The following KAZN variants were observed in gnomAD, a reference collection of about 807,000 sequenced individuals.
KAZN encodes the protein kazrin.
In KAZN, 40 loss-of-function variants were observed where a neutral mutation model predicts 87.4. The observed-to-expected ratio is 0.46, with a 90% confidence interval of 0.36 to 0.60. KAZN has a LOEUF of 0.60. Among genes scored for constraint, KAZN ranks in the 20% least tolerant of loss-of-function variants. The probability of loss-of-function intolerance (pLI) is 0.00; values close to 1 mark genes in which losing one functional copy is unlikely to be tolerated. For missense variants in KAZN, 898 were observed against 1,073.9 expected (o/e 0.84, Z 2.29); for synonymous variants, 466 against 458.3 (o/e 1.02, Z -0.22).
chr1:15,035,073 C>G (rs1573127175), intron 3 of KAZN, among the ~76,000 whole-genome samples, 188 bp downstream of exon 3: 1 of 152,050 alleles, frequency 6.6e-6, no homozygotes, highest in South Asian at 2.1e-4. Flanking sequence ...ATCTCCATGT[C>G]TCCTGGGCAA....
At chr1:14,814,887 C>T (rs1229058925) in intron 1 of KAZN, among the ~76,000 whole-genome samples, 5 of 152,164 alleles carry the variant, frequency 3.3e-5, no homozygotes, top group African/African-American at 7.2e-5. Context: ...AGCATGGATA[C>T]GTGGAATGCT....
chr1:14,970,956 G>A (rs1403929952), intron 2 of KAZN, among the ~76,000 whole-genome samples: 2 of 152,078 alleles, frequency 1.3e-5, no homozygotes, highest in African/African-American at 4.8e-5. Context: ...TAATCATTTC[G>A]GCTAGCATGT....
At chr1:14,056,086 A>C (rs2101489889) in intron 1 of KAZN, among the ~76,000 whole-genome samples, 1 of 152,298 alleles carries the variant, frequency 6.6e-6, no homozygotes, top group South Asian at 2.1e-4. Context: ...GTTTTCCCAA[A>C]GCCTTTTCAC....
chr1:14,674,709 T>C (rs1640113355), intron 1 of KAZN, among the ~76,000 whole-genome samples: 1 of 152,212 alleles, frequency 6.6e-6, no homozygotes, highest in African/African-American at 2.4e-5. Context: ...TAGACAGAGA[T>C]TCAGTTTAAA....
At chr1:14,935,672 C>T (rs746447152) in intron 1 of KAZN, among the ~76,000 whole-genome samples, 2 of 152,132 alleles carry the variant, frequency 1.3e-5, no homozygotes, top group Non-Finnish European at 2.9e-5. Flanking sequence ...TTTCCTCTCT[C>T]CCTCCCTCTC....
intron 1 of KAZN, among the ~76,000 whole-genome samples, chr1:14,678,890 G>A (rs1195837260): frequency 6.6e-6 from 1 of 152,178 alleles, no homozygotes; most frequent in East Asian, 1.9e-4. Context: ...GACCGAAAAA[G>A]GGCATCAGCC....
At chr1:14,389,469 G>A (rs1271725821) in intron 2 of KAZN, among the ~76,000 whole-genome samples, 2 of 134,536 alleles carry the variant, frequency 1.5e-5, no homozygotes, top group African/African-American at 2.5e-5. Flanking sequence ...ATCAACAGAT[G>A]AATGGATAAA....
chr1:14,954,770 C>T (rs1490105040), intron 1 of KAZN, among the ~76,000 whole-genome samples: 1 of 152,122 alleles, frequency 6.6e-6, no homozygotes, highest in South Asian at 2.1e-4. Flanking sequence ...TCCTGGCTAA[C>T]ACGGTGAAAC....
chr1:14,951,192 T>C (rs1662438886), intron 1 of KAZN, among the ~76,000 whole-genome samples: 1 of 152,126 alleles, frequency 6.6e-6, no homozygotes, highest in Admixed American at 6.5e-5. Flanking sequence ...TGCCACGTGC[T>C]ATGCCCACAC....
chr1:14,552,753 C>G (rs1337972517), intron 2 of KAZN, among the ~76,000 whole-genome samples: 2 of 152,150 alleles, frequency 1.3e-5, no homozygotes, highest in Non-Finnish European at 2.9e-5. Flanking sequence ...AAGAATTTCC[C>G]TTTATAGACT....
intron 2 of KAZN, among the ~76,000 whole-genome samples, chr1:14,362,351 C>G (rs1423180797): frequency 1.3e-5 from 2 of 152,232 alleles, no homozygotes; most frequent in Non-Finnish European, 1.5e-5. Flanking sequence ...TCTTCATAAG[C>G]AACTCACAGT....
At chr1:14,833,351 A>C (rs1377983504) in intron 1 of KAZN, among the ~76,000 whole-genome samples, 4 of 152,110 alleles carry the variant, frequency 2.6e-5, no homozygotes, top group Non-Finnish European at 5.9e-5. Flanking sequence ...TGAGTACTTG[A>C]CCTTTATGCA....
At chr1:14,897,926 T>C (rs1398417629) in intron 1 of KAZN, among the ~76,000 whole-genome samples, 2 of 152,172 alleles carry the variant, frequency 1.3e-5, no homozygotes, top group African/African-American at 4.8e-5. Context: ...CTCTGTGAAC[T>C]CCATGGCAGC....
intron 1 of KAZN, among the ~76,000 whole-genome samples, chr1:13,963,151 G>C (rs980750331): frequency 2.0e-5 from 3 of 152,158 alleles, no homozygotes; most frequent in African/African-American, 7.2e-5. Context: ...TGTCTGTGGT[G>C]ATGGGGAGTG....
chr1:14,016,020 C>T (rs1432890612), intron 1 of KAZN, among the ~76,000 whole-genome samples: 1 of 152,030 alleles, frequency 6.6e-6, no homozygotes, highest in Non-Finnish European at 1.5e-5. Flanking sequence ...GGGCAACAGG[C>T]ACTCAAAACG....
intron 1 of KAZN, among the ~76,000 whole-genome samples, chr1:13,899,240 CT>C (rs1639155965): frequency 1.3e-5 from 2 of 152,216 alleles, no homozygotes; most frequent in Non-Finnish European, 2.9e-5. Context: ...GGTTATTGTG[CT>C]ACATTCTTTA....
At chr1:15,019,285 T>A (rs1330464464) in intron 2 of KAZN, among the ~76,000 whole-genome samples, 3 of 152,142 alleles carry the variant, frequency 2.0e-5, no homozygotes, top group Non-Finnish European at 4.4e-5. Flanking sequence ...TGGATATGAT[T>A]AAGAGCAGGG....
At chr1:14,756,656 A>G (rs1222981202) in intron 1 of KAZN, among the ~76,000 whole-genome samples, 1 of 152,258 alleles carries the variant, frequency 6.6e-6, no homozygotes, top group Non-Finnish European at 1.5e-5. Flanking sequence ...CTCGGACACC[A>G]CTAGGTTCTG....
chr1:14,076,210 G>T (rs895837456), intron 1 of KAZN, among the ~76,000 whole-genome samples: 1 of 152,096 alleles, frequency 6.6e-6, no homozygotes, highest in Non-Finnish European at 1.5e-5. Context: ...GAACCCGGGA[G>T]GTGGAGGTTG....
Sources: allele counts gnomAD v4.1 joint callset (sites outside exome capture counted in the v4.1 genomes callset), GRCh38; gene constraint gnomAD v4.1.1; transcripts MANE v1.5; gene names NCBI Gene and HGNC (gene_info 2026-07-23, HGNC 2026-07-21).